CDIN1: variants seen among roughly 807,000 people sequenced by gnomAD.
CDIN1 encodes the protein CDAN1 interacting nuclease 1, also known as CDAN1-interacting nuclease 1.
Under a neutral mutation model 45.3 loss-of-function variants are expected in CDIN1, and 33 were observed. That is an observed-to-expected ratio of 0.73 (90% CI 0.55 to 0.97). The LOEUF is 0.97. Among genes scored for constraint, CDIN1 ranks in the 50% least tolerant of loss-of-function variants. The pLI, the probability that CDIN1 is intolerant of heterozygous loss-of-function variation, is 0.00. For missense variants in CDIN1, 303 were observed against 339.4 expected (o/e 0.89, Z 0.84); for synonymous variants, 118 against 124.4 (o/e 0.95, Z 0.34).
chr15:36,753,077 T>TGCA (rs1433133494), intron 10 of CDIN1, among the ~76,000 whole-genome samples: 21 of 152,318 alleles, frequency 1.4e-4, no homozygotes, highest in African/African-American at 4.8e-4. Context: ...GCCTCCTGCT[T>TGCA]TTTTGTGCAA....
chr15:36,794,870 T>G (rs988632896), intron 10 of CDIN1, among the ~76,000 whole-genome samples: 1 of 152,110 alleles, frequency 6.6e-6, no homozygotes, highest in Non-Finnish European at 1.5e-5. Flanking sequence ...AACAAAGATA[T>G]AGAATCAACC....
chr15:36,595,159 C>T (rs1305274184), intron 1 of CDIN1, among the ~76,000 whole-genome samples: 2 of 151,810 alleles, frequency 1.3e-5, no homozygotes, highest in East Asian at 1.9e-4. Flanking sequence ...AATTTTTAAG[C>T]AGTTTGTGCC....
intron 8 of CDIN1, among the ~76,000 whole-genome samples, chr15:36,701,117 GGTAGGTAGATAGA>G (rs1566912529): frequency 6.8e-4 from 46 of 67,166 alleles, no homozygotes; most frequent in African/African-American, 2.5e-3. Context: ...TAGATAGATA[GGTAGGTAGATAGA>G]TAGATAGATA....
intron 8 of CDIN1, among the ~76,000 whole-genome samples, chr15:36,699,909 A>T (rs1201988589): frequency 6.6e-5 from 10 of 152,234 alleles, no homozygotes; most frequent in African/African-American, 2.4e-4. Context: ...TTGTACTTCC[A>T]CACATAAGTA....
At chr15:36,680,509 C>A (rs563070321) in intron 5 of CDIN1, among the ~76,000 whole-genome samples, 1 of 151,972 alleles carries the variant, frequency 6.6e-6, no homozygotes, top group South Asian at 2.1e-4. Context: ...GATATGTGAC[C>A]AGGTATAAAC....
intron 1 of CDIN1, among the ~76,000 whole-genome samples, chr15:36,605,272 A>G (rs1446572176): frequency 1.3e-5 from 2 of 152,196 alleles, no homozygotes; most frequent in African/African-American, 2.4e-5. Context: ...TATAAACTGC[A>G]AAGACTTTTC....
intron 1 of CDIN1, among the ~76,000 whole-genome samples, chr15:36,587,024 T>C (rs1431361746): frequency 6.6e-6 from 1 of 152,196 alleles, no homozygotes; most frequent in African/African-American, 2.4e-5. Context: ...AAGTTTAATT[T>C]TTCCTTGAGT....
chr15:36,702,215 G>GT lies in CDIN1; in HGVS notation c.544+4830dup, dbSNP rs999240560. ...ATCCGAAGGTTAAAAATATGATGCT[G>GT]TTTTTAGAGTAACAGGAACATGAAA... On this transcript the variant is annotated intron_variant, in intron 8 of 10. Transcript: ENST00000566621. 30 of 683,016 alleles carry GT rather than the reference G, an allele frequency of 4.4e-5. No individual in the cohort carries two copies. In the African/African-American group the frequency reaches 5.3e-4, roughly 12 times the overall value. 42.3% of individuals were successfully genotyped at this position (683,016 alleles called of 1,614,324 possible). A position where few individuals can be genotyped will look rare whatever the true frequency, so the allele number is the denominator to read the frequency against.
intron 10 of CDIN1, among the ~76,000 whole-genome samples, chr15:36,711,303 C>A (rs746877892): frequency 6.5e-4 from 99 of 152,198 alleles, no homozygotes; most frequent in Admixed American, 4.6e-4. Context: ...CAGACTGTTT[C>A]CCCAGCTTTG....
At position 36,654,246 on chromosome 15, in the gene CDIN1, T is replaced by G. The variant is rs370938399; in HGVS notation, c.273+88T>G. 44 of 1,060,258 alleles carry G rather than the reference T, an allele frequency of 4.1e-5. No individual in the cohort carries two copies. The Middle Eastern group carries it at 8.4e-4, about 20-fold the overall frequency. 65.7% of individuals were successfully genotyped at this position (1,060,258 alleles called of 1,614,324 possible). A position where few individuals can be genotyped will look rare whatever the true frequency, so the allele number is the denominator to read the frequency against. On this transcript the variant is annotated intron_variant, in intron 4 of 10. Coordinates refer to ENST00000566621, the MANE Select transcript of CDIN1 (RefSeq NM_001321759.2). ...ACTTTGCTTACAATTATAACTACCT[T>G]TGGAAAAAAAAAGGATTTGAGGTGC... is the stretch of plus-strand genomic sequence containing the variant.
intron 1 of CDIN1, among the ~76,000 whole-genome samples, chr15:36,610,697 A>T (rs75316966): frequency 0.12 from 17,719 of 152,252 alleles, 1,051 homozygotes; most frequent in Middle Eastern, 0.14. Context: ...CCCTCTGCAA[A>T]GGCTACTGCC....
At chr15:36,697,711 T>C (rs1595486223) in intron 8 of CDIN1, among the ~76,000 whole-genome samples, 1 of 152,204 alleles carries the variant, frequency 6.6e-6, no homozygotes, top group African/African-American at 2.4e-5. Context: ...ATATTGTCTA[T>C]AAAATGTTTT....
chr15:36,782,185 T>C (rs975670270), intron 10 of CDIN1, among the ~76,000 whole-genome samples: 4 of 152,134 alleles, frequency 2.6e-5, no homozygotes, highest in Non-Finnish European at 5.9e-5. Context: ...TAAAAGTAAT[T>C]CTCATTTCTC....
chr15:36,595,038 A>T (rs1431827587), intron 1 of CDIN1: 1 of 406,514 alleles, frequency 2.5e-6, no homozygotes, highest in Non-Finnish European at 3.3e-6. Context: ...TGGCTTATGG[A>T]AAAGACAACT....
chr15:36,657,827 A>G lies in CDIN1; in HGVS notation c.274-6A>G. The G allele has an allele frequency of 1.2e-6, 2 of 1,607,622 alleles. No homozygotes were observed. Among genetic ancestry groups the G allele is most frequent in the Non-Finnish European group, 1.7e-6 (2 of 1,176,614 alleles). ...AGTTTTAATTTTCTACTTCTGTTTTATAAAGGTGGACTATGCGCCCTCATT... is the reference window on the plus strand; with the variant it reads ...AGTTTTAATTTTCTACTTCTGTTTTGTAAAGGTGGACTATGCGCCCTCATT... On this transcript the variant is annotated splice_region_variant and splice_polypyrimidine_tract_variant and intron_variant, in intron 4 of 10. Transcript: ENST00000566621.
chr15:36,781,993 T>C (rs1261522001), intron 10 of CDIN1, among the ~76,000 whole-genome samples: 1 of 152,168 alleles, frequency 6.6e-6, no homozygotes, highest in Non-Finnish European at 1.5e-5. Flanking sequence ...TAGAAGGATA[T>C]TGGCCAGTAT....
intron 5 of CDIN1, among the ~76,000 whole-genome samples, chr15:36,676,980 G>C (rs1177534967): frequency 6.6e-6 from 1 of 152,140 alleles, no homozygotes; most frequent in African/African-American, 2.4e-5. Context: ...ACCTATACCA[G>C]TGATAAGCAG....
intron 10 of CDIN1, among the ~76,000 whole-genome samples, chr15:36,774,163 T>TGTGTGTGTGCGCGC (rs149222188): frequency 1.9e-4 from 27 of 143,150 alleles, no homozygotes; most frequent in African/African-American, 5.3e-4. Context: ...TGTGTGTGTG[T>TGTGTGTGTGCGCGC]GCGCGCGCGC....
intron 10 of CDIN1, among the ~76,000 whole-genome samples, chr15:36,756,890 C>T (rs1428168204): frequency 1.3e-5 from 2 of 152,120 alleles, no homozygotes. Flanking sequence ...ACATGGACAG[C>T]CTTCACAACA....
Sources: gnomAD v4.1 joint callset for allele counts (sites outside exome capture counted in the v4.1 genomes callset) on GRCh38, gnomAD v4.1.1 for gene constraint, MANE v1.5 for transcripts, NCBI Gene and HGNC (gene_info 2026-07-23, HGNC 2026-07-21) for gene names.